DGKI: variants seen among roughly 807,000 people sequenced by gnomAD.
The protein encoded by DGKI is DAG kinase iota.
In DGKI, 55 loss-of-function variants were observed where a neutral mutation model predicts 147.5. That is an observed-to-expected ratio of 0.37 (90% CI 0.30 to 0.47). The LOEUF is 0.47. DGKI is among the 20% of genes least tolerant of loss of function. The probability of loss-of-function intolerance (pLI) is 1.00; values close to 1 mark genes in which losing one functional copy is unlikely to be tolerated. For missense variants in DGKI, 1,007 were observed against 1,323.8 expected (o/e 0.76, Z 3.71); for synonymous variants, 469 against 477.1 (o/e 0.98, Z 0.22).
chr7:137,844,860 C>G (rs1007624877), intron 1 of DGKI, among the ~76,000 whole-genome samples: 3 of 152,152 alleles, frequency 2.0e-5, no homozygotes, highest in Non-Finnish European at 4.4e-5. Flanking sequence ...ACCAATAAGC[C>G]AGGAGCAGCC....
At chr7:137,539,411 GA>G (rs1449630672) in intron 20 of DGKI, among the ~76,000 whole-genome samples, 1 of 152,064 alleles carries the variant, frequency 6.6e-6, no homozygotes, top group Non-Finnish European at 1.5e-5. Flanking sequence ...AGATGTTCAT[GA>G]ACTCTTGGGT....
intron 21 of DGKI, chr7:137,513,806 T>C: frequency 3.3e-6 from 2 of 612,726 alleles, no homozygotes; most frequent in Non-Finnish European, 6.0e-6. Flanking sequence ...AAAACTATGG[T>C]ATTAAAATCT....
At chr7:137,678,978 C>T (rs901182850) in intron 2 of DGKI, among the ~76,000 whole-genome samples, 1 of 152,094 alleles carries the variant, frequency 6.6e-6, no homozygotes, top group Admixed American at 6.5e-5. Flanking sequence ...ATTCACCAGG[C>T]CCACCACTGC....
chr7:137,601,262 C>T (rs1819980036), intron 10 of DGKI, among the ~76,000 whole-genome samples: 1 of 151,166 alleles, frequency 6.6e-6, no homozygotes, highest in South Asian at 2.1e-4. Flanking sequence ...AAGAGCGAGA[C>T]TCTGTCTCAA....
chr7:137,693,978 A>T (rs919906341), intron 1 of DGKI, among the ~76,000 whole-genome samples: 2 of 152,236 alleles, frequency 1.3e-5, no homozygotes, highest in South Asian at 4.1e-4. Flanking sequence ...TATTTTTACA[A>T]TGTGTTTAAT....
At chr7:137,645,570 A>T (rs779752639) in intron 5 of DGKI, 33 bp from the exon 6 acceptor site, 4 of 1,579,398 alleles carry the variant, frequency 2.5e-6, no homozygotes, top group African/African-American at 2.7e-5. Context: ...GAATATTTTT[A>T]AAAATTTATT....
At chr7:137,509,161 T>C (rs1816488937) in intron 21 of DGKI, among the ~76,000 whole-genome samples, 1 of 152,210 alleles carries the variant, frequency 6.6e-6, no homozygotes, top group Admixed American at 6.5e-5. Context: ...GGTTGGCAAT[T>C]GACCAACCTC....
chr7:137,703,259 A>G (rs576775138), intron 1 of DGKI, among the ~76,000 whole-genome samples: 3 of 152,312 alleles, frequency 2.0e-5, no homozygotes, highest in African/African-American at 7.2e-5. Flanking sequence ...ATCAGATCTC[A>G]TGAGAACTCA....
At chr7:137,753,166 T>G (rs1563181834) in intron 1 of DGKI, among the ~76,000 whole-genome samples, 1 of 152,102 alleles carries the variant, frequency 6.6e-6, no homozygotes, top group African/African-American at 2.4e-5. Context: ...AAAGTTACAC[T>G]TGAGTGGTCT....
intron 3 of DGKI, among the ~76,000 whole-genome samples, chr7:137,657,930 C>T (rs1211648736): frequency 6.6e-6 from 1 of 152,168 alleles, no homozygotes; most frequent in Non-Finnish European, 1.5e-5. Flanking sequence ...CAACAAAGAA[C>T]CTAAAACACT....
intron 3 of DGKI, among the ~76,000 whole-genome samples, chr7:137,660,374 G>A (rs1173074474): frequency 1.3e-5 from 2 of 152,184 alleles, no homozygotes; most frequent in Non-Finnish European, 2.9e-5. Flanking sequence ...TTAGGATGGT[G>A]GGCATGATCT....
intron 23 of DGKI, among the ~76,000 whole-genome samples, chr7:137,477,831 GTTGT>G (rs1237027276): frequency 2.0e-5 from 3 of 151,870 alleles, no homozygotes; most frequent in African/African-American, 7.3e-5. Flanking sequence ...TAATTTTGGG[GTTGT>G]TTTTTTGTAC....
At chr7:137,570,337 T>G (rs1294080472) in intron 19 of DGKI, among the ~76,000 whole-genome samples, 2 of 152,186 alleles carry the variant, frequency 1.3e-5, no homozygotes, top group African/African-American at 4.8e-5. Context: ...CCTTCCTTAA[T>G]GCAAGCAAAC....
chr7:137,748,003 A>C (rs1437575463), intron 1 of DGKI, among the ~76,000 whole-genome samples: 4 of 152,218 alleles, frequency 2.6e-5, no homozygotes, highest in Non-Finnish European at 5.9e-5. Context: ...CACTTGTCCA[A>C]GGTCACTTGC....
At chr7:137,715,192 A>T (rs1302421302) in intron 1 of DGKI, among the ~76,000 whole-genome samples, 1 of 152,220 alleles carries the variant, frequency 6.6e-6, no homozygotes, top group Non-Finnish European at 1.5e-5. Flanking sequence ...TACGGGTAGA[A>T]ACTAGGCTTC....
chr7:137,477,968 T>C (rs1815234232), intron 23 of DGKI, among the ~76,000 whole-genome samples: 1 of 152,234 alleles, frequency 6.6e-6, no homozygotes, highest in Non-Finnish European at 1.5e-5. Flanking sequence ...GCTACATTTG[T>C]ATTTTTAAAC....
intron 27 of DGKI, 48 bp from the exon 28 acceptor site, chr7:137,444,150 A>G: frequency 9.0e-7 from 1 of 1,106,212 alleles, no homozygotes; most frequent in Non-Finnish European, 1.3e-6. Flanking sequence ...GATAATTATA[A>G]TGATAATCAA....
In DGKI at chr7:137,645,499, C is replaced by T. The variant is rs758237982; in HGVS notation, c.777G>A (p.Gln259=). The stretch of plus-strand genomic sequence containing the variant: ...TACCACACTGCTTACATTTCCCCTC[C>T]TGCCGACGCCTGTGCACCCAGTGAT... ...VRHHWVHRRR[Q]EGKCKQCGKG... Residue 259 remains glutamine, a synonymous_variant, in exon 6 of 33, where the codon CAG becomes CAA. Coordinates refer to ENST00000614521, the MANE Select transcript of DGKI (RefSeq NM_001321708.2). The T allele has an allele frequency of 6.2e-7, 1 of 1,613,564 alleles. No homozygotes were observed. The highest frequency in any genetic ancestry group is 8.5e-7 in the Non-Finnish European group (1 of 1,179,730).
intron 11 of DGKI, among the ~76,000 whole-genome samples, chr7:137,599,031 C>G (rs1177110485): frequency 6.6e-6 from 1 of 152,132 alleles, no homozygotes; most frequent in African/African-American, 2.4e-5. Context: ...TACTATTTCT[C>G]TAGAAATCAC....
Sources: gnomAD v4.1 joint callset for allele counts (sites outside exome capture counted in the v4.1 genomes callset) on GRCh38, gnomAD v4.1.1 for gene constraint, MANE v1.5 for transcripts, NCBI Gene and HGNC (gene_info 2026-07-23, HGNC 2026-07-21) for gene names.